Variants in NME7 observed in about 807,000 individuals in gnomAD.
NME7 encodes NME/NM23 family member 7, also known as nucleoside diphosphate kinase 7.
In NME7, 41 loss-of-function variants were observed where a neutral mutation model predicts 49.1. That is an observed-to-expected ratio of 0.83 (90% CI 0.65 to 1.08). The LOEUF (loss-of-function observed/expected upper bound fraction) is 1.08, where lower values mean the gene tolerates loss of function less well. Ranked by LOEUF, NME7 falls within the 50% of genes least tolerant of loss-of-function variation. NME7 has a pLI of 0.00. For missense variants in NME7, 423 were observed against 463.4 expected (o/e 0.91, Z 0.80); for synonymous variants, 139 against 150.6 (o/e 0.92, Z 0.56).
rs6686204 is a variant in NME7 at position 169,350,048 on chromosome 1, G to A, written c.3+17660C>T. Among the ~76,000 whole-genome samples the A allele has an allele frequency of 2.4e-4, 36 of 151,416 alleles. No individual in the cohort carries two copies. The East Asian group carries it at 5.1e-3, about 21-fold the overall frequency. ...TCTACTAAAACTACAAAAACATAGC[G>A]GAGTGTGGTGGTGGGTGCCTGTAAT... On this transcript the variant is annotated intron_variant, in intron 1 of 11. Coordinates refer to ENST00000367811, the MANE Select transcript of NME7 (RefSeq NM_013330.5).
At chr1:169,156,972 C>T (rs1340008408) in intron 11 of NME7, among the ~76,000 whole-genome samples, 5 of 152,208 alleles carry the variant, frequency 3.3e-5, no homozygotes, top group Admixed American at 6.5e-5. Flanking sequence ...GCAAACCATT[C>T]GCTTTCCACA....
intron 3 of NME7, among the ~76,000 whole-genome samples, chr1:169,311,416 C>CAAAAAAAAAAAAAAAAAAAAAAAAAAAAA (rs34576386): frequency 1.2e-5 from 1 of 83,648 alleles, no homozygotes. Context: ...GACTCCATCT[C>CAAAAAAAAAAAAAAAAAAAAAAAAAAAAA]AAAAAAAAAA....
At chr1:169,279,906 T>C (rs1013118670) in intron 7 of NME7, among the ~76,000 whole-genome samples, 4 of 152,202 alleles carry the variant, frequency 2.6e-5, no homozygotes, top group East Asian at 3.9e-4. Flanking sequence ...CTATTGTGAA[T>C]AGTGCTGCGT....
chr1:169,215,170 C>G (rs1571297921), intron 10 of NME7, among the ~76,000 whole-genome samples: 2 of 151,924 alleles, frequency 1.3e-5, no homozygotes, highest in East Asian at 3.9e-4. Flanking sequence ...GTCAGGTTGC[C>G]TCTCTCCCTC....
chr1:169,275,481 A>AAAAC (rs1275962013), intron 7 of NME7, among the ~76,000 whole-genome samples: 2 of 103,356 alleles, frequency 1.9e-5, no homozygotes, highest in Non-Finnish European at 4.1e-5. Context: ...TCCGTCTCAA[A>AAAAC]AAAAAAAAAA....
intron 11 of NME7, among the ~76,000 whole-genome samples, chr1:169,152,827 C>T (rs1259295838): frequency 6.6e-6 from 1 of 152,062 alleles, no homozygotes; most frequent in Non-Finnish European, 1.5e-5. Flanking sequence ...GTTTTGGAAC[C>T]TTTATCGAGT....
At chr1:169,326,689 A>G (rs1446016630) in intron 1 of NME7, among the ~76,000 whole-genome samples, 1 of 152,202 alleles carries the variant, frequency 6.6e-6, no homozygotes, top group Non-Finnish European at 1.5e-5. Flanking sequence ...AACTTGATTT[A>G]AACTTAACTT....
intron 7 of NME7, among the ~76,000 whole-genome samples, chr1:169,278,160 A>G (rs368692479): frequency 4.7e-5 from 7 of 149,692 alleles, no homozygotes; most frequent in East Asian, 2.1e-4. Flanking sequence ...TGACAATTAT[A>G]TGTCTTGGAG....
chr1:169,191,963 C>T (rs1395044431), intron 10 of NME7, among the ~76,000 whole-genome samples: 1 of 152,114 alleles, frequency 6.6e-6, no homozygotes, highest in African/African-American at 2.4e-5. Context: ...AGGCCCCACC[C>T]CAGACCAGCT....
chr1:169,346,946 T>C (rs1652971262), intron 1 of NME7, among the ~76,000 whole-genome samples: 1 of 152,216 alleles, frequency 6.6e-6, no homozygotes, highest in Non-Finnish European at 1.5e-5. Flanking sequence ...CTGGGGATAT[T>C]CAAGACAGAA....
chr1:169,147,123 G>T (rs1030361281), intron 11 of NME7, among the ~76,000 whole-genome samples: 5 of 152,230 alleles, frequency 3.3e-5, no homozygotes, highest in South Asian at 2.1e-4. Context: ...TGATAGTTAA[G>T]AATTTTTTAA....
chr1:169,328,678 T>C (rs1180118682), intron 1 of NME7, among the ~76,000 whole-genome samples: 1 of 152,202 alleles, frequency 6.6e-6, no homozygotes. Flanking sequence ...GTAAAGGATA[T>C]ATCATATTAA....
chr1:169,234,080 TAAAC>T (rs1181102026), intron 9 of NME7, among the ~76,000 whole-genome samples: 1 of 152,208 alleles, frequency 6.6e-6, no homozygotes, highest in South Asian at 2.1e-4. Context: ...AAAAACATGT[TAAAC>T]AAAGAACTTC....
intron 10 of NME7, among the ~76,000 whole-genome samples, chr1:169,216,721 A>G (rs1440760967): frequency 6.6e-6 from 1 of 152,206 alleles, no homozygotes. Flanking sequence ...CCCTCAACCT[A>G]TGGGATCTCT....
intron 1 of NME7, among the ~76,000 whole-genome samples, chr1:169,361,781 A>G (rs1653665871): frequency 2.1e-5 from 3 of 144,280 alleles, no homozygotes; most frequent in South Asian, 4.4e-4. Flanking sequence ...AACTCTGTCT[A>G]AAAAAAAAAA....
chr1:169,194,662 T>C lies in NME7; in HGVS notation c.991-25108A>G, dbSNP rs192368436. Among the ~76,000 whole-genome samples, 496 of 152,310 alleles carry C rather than the reference T, an allele frequency of 3.3e-3. 14 individuals carry two copies. The highest frequency in any genetic ancestry group is 3.4e-3 in the Middle Eastern group (1 of 294). The stretch of plus-strand genomic sequence containing the variant: ...AATGAGGTGTTGCCCAATTCTAGTA[T>C]CACAAATAAAAGTCAATTAAGATCT... On this transcript the variant is annotated intron_variant, in intron 10 of 11. Coordinates refer to ENST00000367811, the MANE Select transcript of NME7 (RefSeq NM_013330.5).
At chr1:169,315,776 C>T (rs1651600879) in intron 3 of NME7, among the ~76,000 whole-genome samples, 1 of 151,720 alleles carries the variant, frequency 6.6e-6, no homozygotes, top group Admixed American at 6.6e-5. Flanking sequence ...CCAAAGAAGA[C>T]AACACAAAGA....
intron 3 of NME7, among the ~76,000 whole-genome samples, chr1:169,313,090 G>C (rs934168468): frequency 6.6e-6 from 1 of 150,916 alleles, no homozygotes; most frequent in Non-Finnish European, 1.5e-5. Context: ...GGCAACAATA[G>C]CAAAATTATT....
intron 1 of NME7, among the ~76,000 whole-genome samples, chr1:169,343,710 G>T (rs1349239948): frequency 6.6e-6 from 1 of 152,020 alleles, no homozygotes; most frequent in Non-Finnish European, 1.5e-5. Context: ...GGCCGGGCTG[G>T]TCTCAAACTC....
Sources: gnomAD v4.1 joint callset for allele counts (sites outside exome capture counted in the v4.1 genomes callset) on GRCh38, gnomAD v4.1.1 for gene constraint, MANE v1.5 for transcripts, NCBI Gene and HGNC (gene_info 2026-07-23, HGNC 2026-07-21) for gene names.